KDM2B: variants seen among roughly 807,000 people sequenced by gnomAD.
The protein encoded by KDM2B is lysine demethylase 2B.
KDM2B carries 26 observed loss-of-function variants against 150.0 expected under a neutral mutation model. That is an observed-to-expected ratio of 0.17 (90% CI 0.13 to 0.24). KDM2B has a LOEUF of 0.24. Ranked by LOEUF, KDM2B falls within the 10% of genes least tolerant of loss-of-function variation. The probability of loss-of-function intolerance (pLI) is 1.00; values close to 1 mark genes in which losing one functional copy is unlikely to be tolerated. For missense variants in KDM2B, 1,265 were observed against 1,816.9 expected (o/e 0.70, Z 5.52); for synonymous variants, 734 against 729.5 (o/e 1.01, Z -0.10).
intron 21 of KDM2B, chr12:121,440,414 G>C (rs767131830): frequency 9.6e-6 from 4 of 416,304 alleles, no homozygotes; most frequent in Non-Finnish European, 1.8e-5. Context: ...CCCAGTCCAG[G>C]GGGAGGTGCC....
chr12:121,570,007 G>A (rs1194423024), intron 4 of KDM2B, among the ~76,000 whole-genome samples: 1 of 151,790 alleles, frequency 6.6e-6, no homozygotes, highest in East Asian at 1.9e-4. Flanking sequence ...ATGCCACCAA[G>A]CCCAGCTAAT....
chr12:121,499,110 ATT>A (rs68098990), intron 11 of KDM2B, among the ~76,000 whole-genome samples: 1 of 131,062 alleles, frequency 7.6e-6, no homozygotes, highest in Non-Finnish European at 1.6e-5. Flanking sequence ...CAGTCAATAA[ATT>A]TTTTTTTTTT....
At chr12:121,420,177 A>G in the KDM2B span, 1 of 1,463,672 alleles carries the variant, frequency 6.8e-7, no homozygotes, top group Non-Finnish European at 9.5e-7. Flanking sequence ...ATCAATGACA[A>G]GGTTTTCTCT....
intron 13 of KDM2B, among the ~76,000 whole-genome samples, chr12:121,446,604 A>T (rs1437974691): frequency 6.6e-6 from 1 of 152,220 alleles, no homozygotes; most frequent in Non-Finnish European, 1.5e-5. Flanking sequence ...CTTTCTCCAC[A>T]GATTATTTTT....
chr12:121,451,614 G>T (rs1322080805), intron 13 of KDM2B, among the ~76,000 whole-genome samples: 2 of 152,144 alleles, frequency 1.3e-5, no homozygotes, highest in African/African-American at 4.8e-5. Context: ...ACAGATGAAT[G>T]GATAAAGAAA....
intron 6 of KDM2B, among the ~76,000 whole-genome samples, chr12:121,547,594 A>C (rs1166952014): frequency 6.6e-6 from 1 of 151,552 alleles, no homozygotes; most frequent in Non-Finnish European, 1.5e-5. Context: ...CTCTTCTAGG[A>C]AGCCCAGAGC....
At position 121,452,852 on chromosome 12, in the gene KDM2B, G is replaced by C. The variant is rs1877534794; in HGVS notation, c.1959+268C>G. 6.6e-6 allele frequency among the ~76,000 whole-genome samples: 1 copy of C among 152,200 alleles called. No individual in the cohort carries two copies. The highest frequency in any genetic ancestry group is 6.5e-5 in the Admixed American group (1 of 15,290). ...AACCGTCACCCAGAACCGTAATGTT[G>C]GCAACGGGGTCACAGACAGGACAGG... On this transcript the variant is annotated intron_variant, in intron 13 of 22. Coordinates refer to ENST00000377071, the MANE Select transcript of KDM2B (RefSeq NM_032590.5). This position sits in a 1 kb window ranked among gnomAD's most constrained non-coding sequence, Gnocchi z 4.4.
rs201596527 is a variant in KDM2B, at chr12:121,520,262, C to T, written c.1047+723G>A. Among the ~76,000 whole-genome samples, 18 of 152,170 alleles carry T rather than the reference C, an allele frequency of 1.2e-4. No homozygotes were observed. The East Asian group carries it at 1.5e-3, about 13-fold the overall frequency. Reference sequence around the variant, plus strand: ...AGGGACACGTGATCAAGTCCTAGCACGAGAAAGGCCATGGCAAGTTCAGGC... The same window carrying T: ...AGGGACACGTGATCAAGTCCTAGCATGAGAAAGGCCATGGCAAGTTCAGGC... On this transcript the variant is annotated intron_variant, in intron 9 of 22. Coordinates refer to ENST00000377071, the MANE Select transcript of KDM2B (RefSeq NM_032590.5). The surrounding 1 kb of genome is among the most constrained non-coding windows in gnomAD (Gnocchi z 4.5).
intron 4 of KDM2B, among the ~76,000 whole-genome samples, chr12:121,556,565 A>G (rs1425863797): frequency 2.6e-5 from 4 of 152,016 alleles, no homozygotes; most frequent in African/African-American, 7.2e-5. Flanking sequence ...AAATAATCCA[A>G]CCCAGCTGGG....
rs1488853360 is a variant in KDM2B at position 121,483,807 on chromosome 12, C to T, written c.1734+10772G>A. 3.9e-5 allele frequency among the ~76,000 whole-genome samples: 6 copies of T among 152,168 alleles called. No individual in the cohort carries two copies. In the East Asian group the frequency reaches 9.7e-4, roughly 25 times the overall value. On this transcript the variant is annotated intron_variant, in intron 12 of 22. Coordinates refer to ENST00000377071, the MANE Select transcript of KDM2B (RefSeq NM_032590.5). ...AGTGTGGAAGCGCGTCAGCCAGGAT[C>T]TTGGCAGGAATCGGATGGCACCAAG...
At chr12:121,539,663 GT>G (rs201408402) in intron 6 of KDM2B, among the ~76,000 whole-genome samples, 44 of 147,004 alleles carry the variant, frequency 3.0e-4, no homozygotes, top group African/African-American at 7.0e-4. Context: ...TTGGCCAGCA[GT>G]TTTTTTTTTT....
chr12:121,423,322 G>C, the KDM2B span: 1 of 1,366,318 alleles, frequency 7.3e-7, no homozygotes, highest in Non-Finnish European at 1.0e-6. The surrounding 1 kb of genome is among the most constrained non-coding windows in gnomAD (Gnocchi z 4.3). Context: ...GCTTCGGACT[G>C]GGAGGGTGGC....
intron 4 of KDM2B, among the ~76,000 whole-genome samples, chr12:121,570,560 T>C (rs1445961751): frequency 1.3e-5 from 2 of 152,186 alleles, no homozygotes; most frequent in Non-Finnish European, 1.5e-5. Flanking sequence ...ACTGGCCGGC[T>C]GCTTTCATCC....
intron 4 of KDM2B, among the ~76,000 whole-genome samples, chr12:121,553,751 G>T (rs551756393): frequency 6.6e-6 from 1 of 152,108 alleles, no homozygotes; most frequent in Non-Finnish European, 1.5e-5. Flanking sequence ...CAGTTAAATC[G>T]TTGCTGGCCA....
chr12:121,445,458 G>A (rs916475759), intron 13 of KDM2B, 40 bp from the exon 14 acceptor site: 3 of 1,544,708 alleles, frequency 1.9e-6, no homozygotes, highest in South Asian at 1.2e-5. Flanking sequence ...ATCAGGGGTG[G>A]GGAGCACGGA....
Position 121,549,740 on chromosome 12 carries a change from C to CA in KDM2B, c.398-103dup. On this transcript the variant is annotated intron_variant, in intron 4 of 22. Coordinates refer to ENST00000377071, the MANE Select transcript of KDM2B (RefSeq NM_032590.5). The surrounding 1 kb of genome is among the most constrained non-coding windows in gnomAD (Gnocchi z 4.4). The stretch of plus-strand genomic sequence containing the variant: ...CAAAAGCTGCTCCTCCACGTTTCCC[C>CA]ACAGTCCTCACCCCTCTTCCTCATC... 9.7e-7 allele frequency: 1 copy of CA among 1,030,588 alleles called. No individual in the cohort carries two copies. Among genetic ancestry groups the CA allele is most frequent in the South Asian group, 1.7e-5 (1 of 59,882 alleles). 63.8% of individuals were successfully genotyped at this position (1,030,588 alleles called of 1,614,324 possible).
At chr12:121,576,135 G>A (rs1200549320) in intron 2 of KDM2B, among the ~76,000 whole-genome samples, 1 of 152,150 alleles carries the variant, frequency 6.6e-6, no homozygotes, top group Non-Finnish European at 1.5e-5. Context: ...AACAGCCCAA[G>A]GCCAGCGAGG....
chr12:121,521,029 C>T lies in KDM2B; in HGVS notation c.1003G>A (p.Val335Met), dbSNP rs781923527. Residue 335 changes from valine (V) to methionine (M), a missense_variant, in exon 9 of 23, where the codon GTG (valine) becomes ATG (methionine). Val to Met is a conservative substitution (Grantham distance 21). Around this residue, in one of 11 missense-constraint regions of KDM2B, gnomAD observed 214 missense variants for 447.4 expected, o/e 0.48. Coordinates refer to ENST00000377071, the MANE Select transcript of KDM2B (RefSeq NM_032590.5). This position sits in a 1 kb window ranked among gnomAD's most constrained non-coding sequence, Gnocchi z 4.9. ...TCGTAGATCCGCAGCTGCATGGGCA[C>T]GTTAAAGCTGTGCAGGATGTTTCCG... ...FGGNILHSFN[V>M]PMQLRIYEIE... The T allele has an allele frequency of 2.0e-5, 32 of 1,613,884 alleles. No individual in the cohort carries two copies. Among genetic ancestry groups the T allele is most frequent in the Non-Finnish European group, 2.5e-5 (30 of 1,179,996 alleles).
At chr12:121,528,089 C>T (rs996566776) in intron 8 of KDM2B, among the ~76,000 whole-genome samples, 3 of 152,224 alleles carry the variant, frequency 2.0e-5, no homozygotes, top group Admixed American at 1.3e-4. Context: ...GATGTCCTGA[C>T]CCTGACGCTG....
Sources: allele counts gnomAD v4.1 joint callset (sites outside exome capture counted in the v4.1 genomes callset), GRCh38; gene constraint gnomAD v4.1.1; regional missense constraint gnomAD v4.1.1; non-coding constraint Gnocchi (gnomAD v3.1); transcripts MANE v1.5; gene names NCBI Gene and HGNC (gene_info 2026-07-23, HGNC 2026-07-21).